The following SPON1 variants were observed in gnomAD, a reference collection of about 807,000 sequenced individuals.
SPON1 encodes spondin 1.
Under a neutral mutation model 111.7 loss-of-function variants are expected in SPON1, and 52 were observed. The ratio of observed to expected loss-of-function variants is 0.47; its 90% confidence interval spans 0.37 to 0.59. The LOEUF (loss-of-function observed/expected upper bound fraction) is 0.59. Among genes scored for constraint, SPON1 ranks in the 20% least tolerant of loss-of-function variants. The pLI, the probability that SPON1 is intolerant of heterozygous loss-of-function variation, is 0.00. For synonymous variants in SPON1, 410 were observed against 395.8 expected (o/e 1.04, Z -0.43); for missense variants, 957 against 1,068.5 (o/e 0.90, Z 1.46).
chr11:14,174,541 G>A (rs1490187768), intron 6 of SPON1, among the ~76,000 whole-genome samples: 1 of 151,936 alleles, frequency 6.6e-6, no homozygotes, highest in South Asian at 2.1e-4. Flanking sequence ...GGAAAACAGA[G>A]GGGTTTTTTT....
At chr11:14,059,703 G>A (rs1356780770) in intron 3 of SPON1, among the ~76,000 whole-genome samples, 1 of 152,194 alleles carries the variant, frequency 6.6e-6, no homozygotes, top group Non-Finnish European at 1.5e-5. Context: ...TTACTGGCTG[G>A]GGAAGAGTGT....
At chr11:14,187,091 C>T (rs1360090842) in intron 6 of SPON1, among the ~76,000 whole-genome samples, 2 of 152,080 alleles carry the variant, frequency 1.3e-5, no homozygotes, top group African/African-American at 2.4e-5. Context: ...TTACTCATGA[C>T]GGAAGGCAAG....
At position 14,266,687 on chromosome 11, in the gene SPON1, A is replaced by G. The variant is rs1849273599; in HGVS notation, c.*1000A>G. ...CAATGCATTCCTTCAACAAAATACA[A>G]TCTCTGTACTTTAAAGTTATTTTAG... On this transcript the variant is annotated 3_prime_UTR_variant, in exon 16 of 16. Transcript: ENST00000576479. 1.3e-5 allele frequency: 2 copies of G among 152,240 alleles called. No individual in the cohort carries two copies. The highest frequency in any genetic ancestry group is 2.9e-5 in the Non-Finnish European group (2 of 68,046). The allele number at this position is 152,240 out of a possible 1,614,324, so 9.4% of individuals were successfully genotyped here.
chr11:14,252,210 G>T (rs994669741), intron 7 of SPON1, among the ~76,000 whole-genome samples: 1 of 152,288 alleles, frequency 6.6e-6, no homozygotes, highest in Non-Finnish European at 1.5e-5. Context: ...AAGCTGGGGA[G>T]AGGGAACAGT....
At chr11:14,061,349 T>C (rs1203297870) in intron 3 of SPON1, among the ~76,000 whole-genome samples, 1 of 152,232 alleles carries the variant, frequency 6.6e-6, no homozygotes, top group Non-Finnish European at 1.5e-5. Flanking sequence ...ATCATCTATC[T>C]GTCATTCTAT....
At chr11:14,178,451 A>C (rs1848204127) in intron 6 of SPON1, among the ~76,000 whole-genome samples, 1 of 152,014 alleles carries the variant, frequency 6.6e-6, no homozygotes, top group Non-Finnish European at 1.5e-5. Flanking sequence ...AGTCACAAAC[A>C]ACACAGAATC....
At position 13,963,693 on chromosome 11, in the gene SPON1, G is replaced by A. The variant is rs59712449; in HGVS notation, c.238+551G>A. Among the ~76,000 whole-genome samples the A allele has an allele frequency of 0.014, 2,116 of 152,172 alleles. 200 individuals carry two copies. The East Asian group carries it at 0.27, about 19-fold the overall frequency. ...CTTTGGCTTCTCCCTAACCGGTCCC[G>A]GGGTGCGGGAAGGAGGGGCAGGGAC... is the stretch of plus-strand genomic sequence containing the variant. On this transcript the variant is annotated intron_variant, in intron 1 of 15. Coordinates refer to ENST00000576479, the MANE Select transcript of SPON1 (RefSeq NM_006108.4).
intron 2 of SPON1, among the ~76,000 whole-genome samples, chr11:14,027,451 C>G (rs1257981230): frequency 6.6e-6 from 1 of 152,206 alleles, no homozygotes; most frequent in Non-Finnish European, 1.5e-5. Flanking sequence ...AACACCATCC[C>G]TTCTCAGGAC....
At position 14,254,402 on chromosome 11, in the gene SPON1, C is replaced by T. The variant is rs1216810238; in HGVS notation, c.891-126C>T. 5 of 854,284 alleles carry T rather than the reference C, an allele frequency of 5.9e-6. No individual in the cohort carries two copies. The African/African-American group carries it at 6.9e-5, about 12-fold the overall frequency. The allele number at this position is 854,284 out of a possible 1,614,324, so 52.9% of individuals were successfully genotyped here. Reference sequence around the variant, plus strand: ...ACCCACAGTGGCCAAAGGCAGAATTCAGTGGGAGACCACGAATGTGGATAC... The same window carrying T: ...ACCCACAGTGGCCAAAGGCAGAATTTAGTGGGAGACCACGAATGTGGATAC... On this transcript the variant is annotated intron_variant, in intron 7 of 15. Transcript: ENST00000576479.
chr11:14,160,699 T>TTATATATTTA (rs1847919049), intron 6 of SPON1, among the ~76,000 whole-genome samples: 1 of 29,470 alleles, frequency 3.4e-5, no homozygotes, highest in East Asian at 2.0e-3. Context: ...ATTTATATAT[T>TTATATATTTA]TATATATATT....
intron 5 of SPON1, among the ~76,000 whole-genome samples, chr11:14,097,210 T>C (rs1554923958): frequency 6.6e-6 from 1 of 152,170 alleles, no homozygotes; most frequent in African/African-American, 2.4e-5. Context: ...AGGAACAACG[T>C]TATAAAGTAG....
At chr11:14,256,796 C>A in intron 10 of SPON1, 104 bp downstream of exon 10, 1 of 855,322 alleles carries the variant, frequency 1.2e-6, no homozygotes, top group Non-Finnish European at 1.9e-6. Context: ...TGTGCTTTGA[C>A]TTGGTAATCA....
intron 6 of SPON1, among the ~76,000 whole-genome samples, chr11:14,149,223 A>G (rs1475645083): frequency 6.6e-6 from 1 of 152,192 alleles, no homozygotes; most frequent in Non-Finnish European, 1.5e-5. Context: ...GTAGAAGTCA[A>G]TGATGTTGAT....
chr11:14,224,530 AT>A (rs1424769035), intron 6 of SPON1, among the ~76,000 whole-genome samples: 1 of 152,218 alleles, frequency 6.6e-6, no homozygotes, highest in Non-Finnish European at 1.5e-5. Context: ...TCCTTTGCTT[AT>A]TAGCTGCATG....
chr11:14,161,199 AT>A (rs1847952746), intron 6 of SPON1, among the ~76,000 whole-genome samples: 1 of 96,512 alleles, frequency 1.0e-5, no homozygotes, highest in Non-Finnish European at 2.0e-5. Context: ...ATCTATATAT[AT>A]TTATATATTT....
chr11:14,169,781 G>A (rs1848075125), intron 6 of SPON1, among the ~76,000 whole-genome samples: 1 of 152,090 alleles, frequency 6.6e-6, no homozygotes, highest in African/African-American at 2.4e-5. Flanking sequence ...GTTTTTGTCA[G>A]GTTTGTCAAA....
At chr11:14,234,198 C>T (rs1554939015) in intron 6 of SPON1, among the ~76,000 whole-genome samples, 1 of 152,220 alleles carries the variant, frequency 6.6e-6, no homozygotes, top group Non-Finnish European at 1.5e-5. Context: ...CCTCACAGCC[C>T]TTTCTGTTTG....
At chr11:14,224,686 TGATGAGGATGAA>T in intron 6 of SPON1, 2 of 459,552 alleles carry the variant, frequency 4.4e-6, no homozygotes. Context: ...GACAGCTTGG[TGATGAGGATGAA>T]GATGAGGATG....
intron 1 of SPON1, among the ~76,000 whole-genome samples, chr11:13,978,646 G>A (rs1848120511): frequency 6.6e-6 from 1 of 152,094 alleles, no homozygotes; most frequent in Non-Finnish European, 1.5e-5. Flanking sequence ...ATTTCAGTAG[G>A]GTCCAAGAGA....
Sources: allele counts gnomAD v4.1 joint callset (sites outside exome capture counted in the v4.1 genomes callset), GRCh38; gene constraint gnomAD v4.1.1; transcripts MANE v1.5; gene names NCBI Gene and HGNC (gene_info 2026-07-23, HGNC 2026-07-21).